Variants in PTPRT observed in about 807,000 individuals in gnomAD.
The protein encoded by PTPRT is protein tyrosine phosphatase receptor type T.
Under a neutral mutation model 176.8 loss-of-function variants are expected in PTPRT, and 56 were observed. The ratio of observed to expected loss-of-function variants is 0.32; its 90% confidence interval spans 0.26 to 0.40. The LOEUF is 0.40. Among genes scored for constraint, PTPRT ranks in the 10% least tolerant of loss-of-function variants. The probability of loss-of-function intolerance (pLI) is 1.00; values close to 1 mark genes in which losing one functional copy is unlikely to be tolerated. For synonymous variants in PTPRT, 783 were observed against 739.0 expected (o/e 1.06, Z -0.96); for missense variants, 1,540 against 1,908.2 (o/e 0.81, Z 3.60).
At chr20:42,062,606 C>T in the PTPRT span, among the ~76,000 whole-genome samples, 3 of 152,114 alleles carry the variant, frequency 2.0e-5, no homozygotes, top group African/African-American at 7.2e-5. Context: ...TTTTTTTTCC[C>T]ACATAAAATG....
At chr20:42,921,538 T>C (rs1250858312) in intron 1 of PTPRT, among the ~76,000 whole-genome samples, 1 of 152,178 alleles carries the variant, frequency 6.6e-6, no homozygotes, top group Non-Finnish European at 1.5e-5. Context: ...TGAGCTAGCA[T>C]TGCACCACTG....
chr20:42,841,610 T>TACACACACACAC (rs3973897), intron 2 of PTPRT, among the ~76,000 whole-genome samples: 4 of 140,908 alleles, frequency 2.8e-5, no homozygotes, highest in East Asian at 2.1e-4. Flanking sequence ...TAGTGTTAAA[T>TACACACACACAC]ACACACACAC....
At chr20:42,654,807 G>A (rs1039723351) in intron 7 of PTPRT, among the ~76,000 whole-genome samples, 4 of 152,192 alleles carry the variant, frequency 2.6e-5, no homozygotes, top group Non-Finnish European at 4.4e-5. Context: ...TGAGATGAGA[G>A]TTTAAATCTG....
At chr20:42,303,705 G>A (rs2057503607) in intron 12 of PTPRT, among the ~76,000 whole-genome samples, 1 of 152,166 alleles carries the variant, frequency 6.6e-6, no homozygotes, top group Non-Finnish European at 1.5e-5. Flanking sequence ...GATGTGGGAA[G>A]AAGCGTTAGG....
chr20:42,414,470 A>T (rs949085732), intron 9 of PTPRT, among the ~76,000 whole-genome samples: 1 of 152,232 alleles, frequency 6.6e-6, no homozygotes, highest in Non-Finnish European at 1.5e-5. Flanking sequence ...AGGTAAAAAC[A>T]GTTATTATTT....
intron 7 of PTPRT, among the ~76,000 whole-genome samples, chr20:42,527,601 A>C (rs563830491): frequency 3.0e-4 from 45 of 152,316 alleles, no homozygotes; most frequent in South Asian, 4.1e-4. Flanking sequence ...GGGGAAAAAA[A>C]GCAGAAGGAG....
chr20:43,135,081 G>A (rs991961714), intron 1 of PTPRT, among the ~76,000 whole-genome samples: 7 of 152,204 alleles, frequency 4.6e-5, no homozygotes, highest in African/African-American at 1.7e-4. Context: ...GAACCACTGA[G>A]TTAGGTATAT....
chr20:42,854,907 G>T (rs1445939458), intron 2 of PTPRT, among the ~76,000 whole-genome samples: 1 of 152,182 alleles, frequency 6.6e-6, no homozygotes, highest in African/African-American at 2.4e-5. Flanking sequence ...TGAAAACAAG[G>T]AAATCATCTT....
rs2075702557 is a variant in PTPRT at position 42,686,743 on chromosome 20, CA to C, written c.860-8585del. Among the ~76,000 whole-genome samples the C allele has an allele frequency of 2.0e-5, 3 of 151,942 alleles. 1 individual carries two copies. On this transcript the variant is annotated intron_variant, in intron 6 of 30. Transcript: ENST00000373187. ...TCCTGACCTTGTGATCCATCCGCCTCAGTGTCCCAAAGTGCTGGGATTACAG... is the reference window on the plus strand; with the variant it reads ...TCCTGACCTTGTGATCCATCCGCCTCGTGTCCCAAAGTGCTGGGATTACAG...
At chr20:42,508,852 A>T (rs1425377604) in intron 7 of PTPRT, among the ~76,000 whole-genome samples, 1 of 149,300 alleles carries the variant, frequency 6.7e-6, no homozygotes, top group Non-Finnish European at 1.5e-5. Flanking sequence ...TGTACATTTA[A>T]TGATGGCTGT....
chr20:42,890,659 A>C (rs1218759889), intron 1 of PTPRT, among the ~76,000 whole-genome samples: 1 of 152,150 alleles, frequency 6.6e-6, no homozygotes, highest in Non-Finnish European at 1.5e-5. Context: ...AAAACATTTA[A>C]ACCCAGTAAC....
At chr20:42,578,401 A>T (rs149970080) in intron 7 of PTPRT, among the ~76,000 whole-genome samples, 24 of 152,274 alleles carry the variant, frequency 1.6e-4, no homozygotes, top group Admixed American at 3.3e-4. Context: ...CATGGTGCAG[A>T]TGTGATTGCA....
intron 7 of PTPRT, among the ~76,000 whole-genome samples, chr20:42,481,859 A>G (rs1229049333): frequency 6.6e-6 from 1 of 152,068 alleles, no homozygotes; most frequent in Non-Finnish European, 1.5e-5. Flanking sequence ...TGATATCAAA[A>G]GCATGTGGTG....
intron 9 of PTPRT, among the ~76,000 whole-genome samples, chr20:42,417,428 G>A (rs529055078): frequency 6.6e-6 from 1 of 151,786 alleles, no homozygotes; most frequent in East Asian, 1.9e-4. Flanking sequence ...TTGTTTCGTT[G>A]TTTCCCTGCA....
At chr20:43,099,342 A>G (rs985181243) in intron 1 of PTPRT, among the ~76,000 whole-genome samples, 1 of 152,154 alleles carries the variant, frequency 6.6e-6, no homozygotes, top group African/African-American at 2.4e-5. Flanking sequence ...CCCATTAGCC[A>G]CAGATCAAAG....
intron 2 of PTPRT, among the ~76,000 whole-genome samples, chr20:42,876,933 A>G (rs887302988): frequency 2.0e-5 from 3 of 152,106 alleles, no homozygotes; most frequent in Non-Finnish European, 4.4e-5. Flanking sequence ...GGAGGAGGTG[A>G]CATTTGTGCC....
At chr20:42,070,317 GGT>G (rs1415179370), downstream of PTPRT, among the ~76,000 whole-genome samples, 1 of 151,480 alleles carries the variant, frequency 6.6e-6, no homozygotes, top group Non-Finnish European at 1.5e-5. Context: ...TACCAATCAA[GGT>G]GCTCCTAGGT....
intron 13 of PTPRT, among the ~76,000 whole-genome samples, chr20:42,267,189 A>G (rs922671723): frequency 6.6e-6 from 1 of 152,232 alleles, no homozygotes; most frequent in Non-Finnish European, 1.5e-5. Flanking sequence ...CATAAATTAC[A>G]TGAGATACTC....
intron 7 of PTPRT, among the ~76,000 whole-genome samples, chr20:42,474,713 A>G (rs538037978): frequency 2.0e-5 from 3 of 152,244 alleles, no homozygotes; most frequent in African/African-American, 7.2e-5. Flanking sequence ...AGTTGTACCG[A>G]CTGCAATGAG....
Sources: gnomAD v4.1 joint callset for allele counts (sites outside exome capture counted in the v4.1 genomes callset) on GRCh38, gnomAD v4.1.1 for gene constraint, MANE v1.5 for transcripts, NCBI Gene and HGNC (gene_info 2026-07-23, HGNC 2026-07-21) for gene names.